CTNND2: variants seen among roughly 807,000 people sequenced by gnomAD.
The protein encoded by CTNND2 is catenin delta 2.
Under a neutral mutation model 144.4 loss-of-function variants are expected in CTNND2, and 22 were observed. The ratio of observed to expected loss-of-function variants is 0.15; its 90% confidence interval spans 0.11 to 0.22. CTNND2 has a LOEUF of 0.22. Among genes scored for constraint, CTNND2 ranks in the 10% least tolerant of loss-of-function variants. The probability of loss-of-function intolerance (pLI) is 1.00; values close to 1 mark genes in which losing one functional copy is unlikely to be tolerated. For synonymous variants in CTNND2, 751 were observed against 695.6 expected (o/e 1.08, Z -1.25); for missense variants, 1,353 against 1,618.8 (o/e 0.84, Z 2.82).
intron 16 of CTNND2, among the ~76,000 whole-genome samples, chr5:11,023,303 T>C (rs1463799304): frequency 1.3e-5 from 2 of 152,176 alleles, no homozygotes; most frequent in African/African-American, 4.8e-5. Context: ...AAGGTTGCTG[T>C]AAAGCATAAA....
At chr5:11,870,260 G>A (rs1306982303) in intron 1 of CTNND2, among the ~76,000 whole-genome samples, 2 of 152,160 alleles carry the variant, frequency 1.3e-5, no homozygotes, top group Admixed American at 6.5e-5. Flanking sequence ...GCTGGGTGGT[G>A]GAGTTCTGCA....
At chr5:11,464,881 G>T (rs1766519872) in intron 3 of CTNND2, among the ~76,000 whole-genome samples, 1 of 152,158 alleles carries the variant, frequency 6.6e-6, no homozygotes. Flanking sequence ...GATGTGGGTT[G>T]TTCAATCATT....
chr5:11,012,102 A>G (rs1486671484), intron 18 of CTNND2, among the ~76,000 whole-genome samples: 3 of 152,186 alleles, frequency 2.0e-5, no homozygotes, highest in African/African-American at 7.2e-5. Context: ...TTGTTGAATT[A>G]ATGGCAGCAA....
intron 3 of CTNND2, among the ~76,000 whole-genome samples, chr5:11,433,946 A>G (rs575586182): frequency 2.0e-5 from 3 of 152,338 alleles, no homozygotes; most frequent in Admixed American, 6.5e-5. Flanking sequence ...ATACATACCC[A>G]ATGTGCCAGT....
At chr5:11,366,767 C>T (rs1380375431) in intron 7 of CTNND2, among the ~76,000 whole-genome samples, 1 of 151,980 alleles carries the variant, frequency 6.6e-6, no homozygotes, top group East Asian at 1.9e-4. Flanking sequence ...TACTTTATCA[C>T]TATTCCTTTA....
chr5:11,531,250 CTAAA>C (rs890448049), intron 3 of CTNND2, among the ~76,000 whole-genome samples: 2 of 152,030 alleles, frequency 1.3e-5, no homozygotes, highest in African/African-American at 4.8e-5. Flanking sequence ...CAGCAAGGAA[CTAAA>C]TAAAGGACCC....
intron 2 of CTNND2, among the ~76,000 whole-genome samples, chr5:11,695,181 G>A (rs1031750892): frequency 6.6e-6 from 1 of 152,186 alleles, no homozygotes; most frequent in African/African-American, 2.4e-5. Flanking sequence ...TGGAAGAAGA[G>A]GGATCACACA....
chr5:11,756,062 G>A (rs1286581046), intron 1 of CTNND2, among the ~76,000 whole-genome samples: 2 of 151,576 alleles, frequency 1.3e-5, no homozygotes, highest in African/African-American at 4.8e-5. Context: ...TCTCATCTGA[G>A]TAAGCTAGTG....
chr5:11,836,475 A>G (rs1794187209), intron 1 of CTNND2, among the ~76,000 whole-genome samples: 1 of 152,140 alleles, frequency 6.6e-6, no homozygotes, highest in Admixed American at 6.5e-5. Flanking sequence ...ATGGTTCTGC[A>G]AAGTCTCATT....
intron 18 of CTNND2, among the ~76,000 whole-genome samples, chr5:11,006,821 A>G (rs1431303359): frequency 2.6e-5 from 4 of 152,222 alleles, no homozygotes; most frequent in Admixed American, 2.0e-4. Flanking sequence ...TTTCTCAAAC[A>G]TCGTAAGATA....
At chr5:11,257,189 T>C (rs910932274) in intron 9 of CTNND2, among the ~76,000 whole-genome samples, 1 of 152,198 alleles carries the variant, frequency 6.6e-6, no homozygotes, top group Admixed American at 6.5e-5. Context: ...ATCTCAGTGA[T>C]TTTTGGTCCA....
At chr5:11,832,167 C>A (rs183759047) in intron 1 of CTNND2, among the ~76,000 whole-genome samples, 1 of 152,030 alleles carries the variant, frequency 6.6e-6, no homozygotes, top group East Asian at 1.9e-4. Flanking sequence ...GCCTGTAGTC[C>A]CAGCTACTTG....
chr5:11,836,775 TATTGGCAATGAAAATATGTGAGACA>T (rs1343311235), intron 1 of CTNND2, among the ~76,000 whole-genome samples: 2 of 152,212 alleles, frequency 1.3e-5, no homozygotes, highest in African/African-American at 4.8e-5. Flanking sequence ...AAGGTAGGTA[TATTGGCAATGAAAATATGTGAGACA>T]GAAATTACAA....
chr5:11,513,915 A>G (rs578015157), intron 3 of CTNND2, among the ~76,000 whole-genome samples: 1 of 152,342 alleles, frequency 6.6e-6, no homozygotes, highest in East Asian at 1.9e-4. Context: ...GAAGACAAAC[A>G]TGCCTTTGAC....
chr5:11,367,795 A>G (rs1249656940), intron 7 of CTNND2, among the ~76,000 whole-genome samples: 1 of 151,918 alleles, frequency 6.6e-6, no homozygotes, highest in Non-Finnish European at 1.5e-5. Context: ...AACATGGATG[A>G]GCCAAAGAGA....
At chr5:11,126,067 C>T (rs368249244) in intron 12 of CTNND2, among the ~76,000 whole-genome samples, 2 of 152,068 alleles carry the variant, frequency 1.3e-5, no homozygotes, top group East Asian at 1.9e-4. Flanking sequence ...TTTGGGAGGC[C>T]GAGGCAGGCG....
intron 9 of CTNND2, among the ~76,000 whole-genome samples, chr5:11,243,795 C>T (rs1175675577): frequency 2.0e-5 from 3 of 152,172 alleles, no homozygotes; most frequent in Middle Eastern, 6.3e-3. Flanking sequence ...AAAGTTGATG[C>T]ATTGTCACAA....
chr5:11,619,298 C>T (rs1183181440), intron 2 of CTNND2, among the ~76,000 whole-genome samples: 2 of 152,142 alleles, frequency 1.3e-5, no homozygotes, highest in Non-Finnish European at 2.9e-5. Flanking sequence ...ATCCCAGCTA[C>T]TCCGGAGGCT....
At position 11,295,485 on chromosome 5, in the gene CTNND2, T is replaced by G. The variant is rs1330369144; in HGVS notation, c.1628+50887A>C. Reference sequence around the variant, plus strand: ...TTCACAGAATTGGAAAAAACTACTTTAAAGTTTGTATGGAACCAAAAAAGA... The same window carrying G: ...TTCACAGAATTGGAAAAAACTACTTGAAAGTTTGTATGGAACCAAAAAAGA... On this transcript the variant is annotated intron_variant, in intron 9 of 21. Coordinates refer to ENST00000304623, the MANE Select transcript of CTNND2 (RefSeq NM_001332.4). 5.3e-5 allele frequency among the ~76,000 whole-genome samples: 8 copies of G among 152,260 alleles called. No individual in the cohort carries two copies. In the East Asian group the frequency reaches 1.3e-3, roughly 26 times the overall value.
Sources: gnomAD v4.1 joint callset for allele counts (sites outside exome capture counted in the v4.1 genomes callset) on GRCh38, gnomAD v4.1.1 for gene constraint, MANE v1.5 for transcripts, NCBI Gene and HGNC (gene_info 2026-07-23, HGNC 2026-07-21) for gene names.